The following LIMS1 variants were observed in gnomAD, a reference collection of about 807,000 sequenced individuals.
LIMS1 encodes LIM zinc finger domain containing 1.
Under a neutral mutation model 44.1 loss-of-function variants are expected in LIMS1, and 18 were observed. The ratio of observed to expected loss-of-function variants is 0.41; its 90% confidence interval spans 0.28 to 0.61. LIMS1 has a LOEUF of 0.61. Ranked by LOEUF, LIMS1 falls within the 20% of genes least tolerant of loss-of-function variation. The pLI is 0.32. For missense variants in LIMS1, 201 were observed against 422.0 expected (o/e 0.48, Z 4.59); for synonymous variants, 93 against 149.1 (o/e 0.62, Z 2.74).
intron 1 of LIMS1, among the ~76,000 whole-genome samples, chr2:108,618,713 T>C (rs1688065470): frequency 6.6e-6 from 1 of 151,084 alleles, no homozygotes. Context: ...TAATCCCAGC[T>C]ACTTGGGAGG....
At chr2:108,589,788 G>A (rs1011344673) in intron 1 of LIMS1, among the ~76,000 whole-genome samples, 4 of 151,280 alleles carry the variant, frequency 2.6e-5, no homozygotes, top group African/African-American at 7.3e-5. Flanking sequence ...TCTTTATCTC[G>A]ATAGTTGTTT....
rs554038387 is a variant in LIMS1, at chr2:108,539,061, G to A, written c.32+4467G>A. On this transcript the variant is annotated intron_variant, in intron 1 of 9. Coordinates refer to ENST00000544547, the Ensembl canonical transcript of LIMS1. ...ATTTTTTAATTATCACAAACACTTT[G>A]AACATCTCTGCCAGAGTGTTTTTTG... 2.0e-5 allele frequency among the ~76,000 whole-genome samples: 3 copies of A among 152,232 alleles called. No homozygotes were observed. The East Asian group carries it at 5.8e-4, about 29-fold the overall frequency.
chr2:108,635,530 G>A (rs1463685039), intron 1 of LIMS1, among the ~76,000 whole-genome samples: 2 of 150,716 alleles, frequency 1.3e-5, no homozygotes, highest in Non-Finnish European at 1.5e-5. Flanking sequence ...GTGAAACCCC[G>A]TCTCTACTAA....
rs143640473 is a variant in LIMS1, at chr2:108,571,697, G to C, written c.32+37103G>C. ...GATAGAAGTAGGAATGAGTGTTTTAGACAGTGAATCTTAAACGTTTAATCT... is the reference window on the plus strand; with the variant it reads ...GATAGAAGTAGGAATGAGTGTTTTACACAGTGAATCTTAAACGTTTAATCT... On this transcript the variant is annotated intron_variant, in intron 1 of 9. Coordinates refer to ENST00000544547, the Ensembl canonical transcript of LIMS1. Among the ~76,000 whole-genome samples the C allele has an allele frequency of 3.9e-3, 594 of 152,314 alleles. 1 individual carries two copies. The highest frequency in any genetic ancestry group is 0.012 in the African/African-American group (487 of 41,560).
At chr2:108,662,522 C>T (rs1460008988) in intron 2 of LIMS1, 1 of 1,306,268 alleles carries the variant, frequency 7.7e-7, no homozygotes, top group Non-Finnish European at 1.0e-6. Context: ...TCTGTTGGGT[C>T]CTGAGGAAGA....
At chr2:108,597,980 C>T (rs1686804716) in intron 1 of LIMS1, among the ~76,000 whole-genome samples, 2 of 151,982 alleles carry the variant, frequency 1.3e-5, no homozygotes, top group African/African-American at 4.8e-5. Context: ...GTGTGAGCCA[C>T]CACACCTGGC....
At position 108,573,702 on chromosome 2, in the gene LIMS1, G is replaced by C. The variant is rs374777492; in HGVS notation, c.32+39108G>C. ...TCATGTCCTTGTTGGGGATGGTAGA[G>C]ACACATCATAAACAAATAAAGCGTA... On this transcript the variant is annotated intron_variant, in intron 1 of 9. Transcript: ENST00000544547. 4.6e-5 allele frequency among the ~76,000 whole-genome samples: 7 copies of C among 152,294 alleles called. No homozygotes were observed. The East Asian group carries it at 5.8e-4, about 13-fold the overall frequency.
intron 1 of LIMS1, among the ~76,000 whole-genome samples, chr2:108,628,982 A>T (rs1214075852): frequency 1.3e-5 from 2 of 152,218 alleles, no homozygotes; most frequent in Non-Finnish European, 2.9e-5. Flanking sequence ...CTATGCTTAA[A>T]GCAATATCAG....
intron 1 of LIMS1, among the ~76,000 whole-genome samples, chr2:108,558,644 T>A (rs1685009634): frequency 6.6e-6 from 1 of 151,484 alleles, no homozygotes; most frequent in Admixed American, 6.6e-5. Flanking sequence ...GTGAGAAAAC[T>A]TTTAAGAATA....
chr2:108,602,865 A>G (rs540828454), intron 1 of LIMS1, among the ~76,000 whole-genome samples: 1 of 152,190 alleles, frequency 6.6e-6, no homozygotes, highest in Non-Finnish European at 1.5e-5. Flanking sequence ...TACTGAGTTC[A>G]AGCAATCCTC....
At chr2:108,568,449 CT>C (rs1327214152) in intron 1 of LIMS1, among the ~76,000 whole-genome samples, 1 of 152,196 alleles carries the variant, frequency 6.6e-6, no homozygotes, top group African/African-American at 2.4e-5. Flanking sequence ...CACTTGAGTT[CT>C]TCCACATTTT....
chr2:108,588,193 A>G, intron 1 of LIMS1: 1 of 233,820 alleles, frequency 4.3e-6, no homozygotes, highest in Non-Finnish European at 7.0e-6. Flanking sequence ...TATGACATTT[A>G]GGGGTGTTGT....
chr2:108,554,738 A>G (rs1684864551), intron 1 of LIMS1, among the ~76,000 whole-genome samples: 1 of 152,170 alleles, frequency 6.6e-6, no homozygotes, highest in Non-Finnish European at 1.5e-5. Context: ...AGTACATGAC[A>G]TGACGCTCTC....
At chr2:108,682,471 C>T (rs962889507) in intron 9 of LIMS1, among the ~76,000 whole-genome samples, 1 of 151,834 alleles carries the variant, frequency 6.6e-6, no homozygotes, top group Non-Finnish European at 1.5e-5. Context: ...CTGCATTCCA[C>T]CCTGGGCGAC....
intron 1 of LIMS1, among the ~76,000 whole-genome samples, chr2:108,564,494 G>A (rs956921888): frequency 2.6e-5 from 4 of 152,102 alleles, no homozygotes; most frequent in South Asian, 2.1e-4. Context: ...TTGAGGAATA[G>A]GCTTGCAGGA....
chr2:108,657,451 A>T (rs1239566555), intron 1 of LIMS1, among the ~76,000 whole-genome samples: 1 of 152,310 alleles, frequency 6.6e-6, no homozygotes, highest in African/African-American at 2.4e-5. Flanking sequence ...CAATAATGAG[A>T]ACAGCACTGA....
In LIMS1 at chr2:108,678,061, CT is replaced by C. The variant is rs1379446119; in HGVS notation, c.823+37del. On this transcript the variant is annotated intron_variant, in intron 8 of 9. Coordinates refer to ENST00000544547, the Ensembl canonical transcript of LIMS1. Reference sequence around the variant, plus strand: ...CTGTGTGAGTTTTAGATTGGTGCCACTTTGACACAAAAACACTTGGGTAATG... The same window carrying C: ...CTGTGTGAGTTTTAGATTGGTGCCACTTGACACAAAAACACTTGGGTAATG... 4 of 1,607,968 alleles carry C rather than the reference CT, an allele frequency of 2.5e-6. No homozygotes were observed. In the Admixed American group the frequency reaches 6.8e-5, roughly 27 times the overall value.
chr2:108,639,209 G>A (rs968669675), intron 1 of LIMS1, among the ~76,000 whole-genome samples: 4 of 152,174 alleles, frequency 2.6e-5, no homozygotes, highest in Admixed American at 2.6e-4. Context: ...GATAAGGCCT[G>A]GAATGTCAAG....
At chr2:108,540,301 T>G (rs1684277322) in intron 1 of LIMS1, among the ~76,000 whole-genome samples, 1 of 144,676 alleles carries the variant, frequency 6.9e-6, no homozygotes, top group Non-Finnish European at 1.5e-5. Flanking sequence ...CGGGTTCAAG[T>G]CATTCTCCTG....
Sources: gnomAD v4.1 joint callset for allele counts (sites outside exome capture counted in the v4.1 genomes callset) on GRCh38, gnomAD v4.1.1 for gene constraint, MANE v1.5 for transcripts, NCBI Gene and HGNC (gene_info 2026-07-23, HGNC 2026-07-21) for gene names.